The following SLC15A5 variants were observed in gnomAD, a reference collection of about 807,000 sequenced individuals.
SLC15A5 encodes the protein Peptide/histidine transporter ENSP00000340402.
A neutral mutation model predicts 56.1 loss-of-function variants in SLC15A5; 58 were observed. The ratio of observed to expected loss-of-function variants is 1.03; its 90% CI spans 0.84 to 1.29. SLC15A5 has a LOEUF of 1.29. Ranked by LOEUF, SLC15A5 falls within the 50% of genes most tolerant of loss-of-function variation. The probability of loss-of-function intolerance (pLI) is 0.00; values close to 1 mark genes in which losing one functional copy is unlikely to be tolerated. For missense variants in SLC15A5, 681 were observed against 672.1 expected, an observed-to-expected ratio of 1.01 and a Z score of -0.15; for synonymous variants, 264 against 250.5, an observed-to-expected ratio of 1.05 and a Z score of -0.51.
rs544084272 is a variant in SLC15A5, at chr12:16,230,233, T to C, written c.1163-5631A>G. On this transcript the variant is annotated intron_variant, in intron 5 of 8. Transcript: ENST00000344941. ...ATTTGAGGACATATTTATCATATAA[T>C]CTTATTCTTGCAACTTAGAGAGGCT... 2.6e-5 allele frequency among the ~76,000 whole-genome samples: 4 copies of C among 152,328 alleles called. No individual in the cohort carries two copies. The South Asian group carries it at 8.3e-4, about 32-fold the overall frequency.
intron 7 of SLC15A5, among the ~76,000 whole-genome samples, chr12:16,204,145 C>T (rs527280363): frequency 6.6e-6 from 1 of 152,050 alleles, no homozygotes; most frequent in Non-Finnish European, 1.5e-5. Context: ...AAGTTTTACT[C>T]ATTTTATTAA....
chr12:16,277,514 A>G lies in SLC15A5; in HGVS notation c.172T>C (p.Phe58Leu), dbSNP rs1349473296. Residue 58 changes from phenylalanine to leucine, a missense_variant, in exon 1 of 9, where the codon TTT becomes CTT. Transcript: ENST00000344941. ...LVELCERFTF[F>L]EVVCNMIPFC... is the part of the protein sequence containing the mutation. ...GGGATCATGTTGCAGACGACTTCAA[A>G]GAACGTGAACCTCTCACACAGCTCC... 1 of 1,536,318 alleles carries G rather than the reference A, an allele frequency of 6.5e-7. No homozygotes were observed. Among genetic ancestry groups the G allele is most frequent in the Non-Finnish European group, 8.7e-7 (1 of 1,146,342 alleles).
intron 3 of SLC15A5, among the ~76,000 whole-genome samples, chr12:16,252,342 A>G (rs1864527667): frequency 6.6e-6 from 1 of 152,076 alleles, no homozygotes; most frequent in Non-Finnish European, 1.5e-5. Context: ...TAAAAAGCAT[A>G]CAAATCAGAA....
intron 2 of SLC15A5, among the ~76,000 whole-genome samples, chr12:16,258,582 A>G (rs137890392): frequency 9.8e-5 from 15 of 152,332 alleles, no homozygotes; most frequent in African/African-American, 3.4e-4. Context: ...ATTAAATGCA[A>G]TAAAATTTAC....
At chr12:16,247,149 T>C (rs1864469960) in intron 3 of SLC15A5, among the ~76,000 whole-genome samples, 1 of 152,222 alleles carries the variant, frequency 6.6e-6, no homozygotes, top group Non-Finnish European at 1.5e-5. Context: ...CACTGCTCCA[T>C]GAACCATGCT....
chr12:16,232,691 G>A (rs1384311143), intron 5 of SLC15A5, among the ~76,000 whole-genome samples: 2 of 152,122 alleles, frequency 1.3e-5, no homozygotes, highest in African/African-American at 2.4e-5. Flanking sequence ...CGAGGTGGGA[G>A]GATCACTTGA....
chr12:16,260,425 G>T (rs1864631955), intron 2 of SLC15A5, among the ~76,000 whole-genome samples: 1 of 151,672 alleles, frequency 6.6e-6, no homozygotes, highest in South Asian at 2.1e-4. Context: ...TTTTTTCAAT[G>T]TAAGAAGTAC....
Position 16,200,480 on chromosome 12 carries a change from CAAA to C in SLC15A5, c.1484-6030_1484-6028del, listed in dbSNP as rs1863944542. ...TCTTGCCAGTTTTTGATCAAATTGT[CAAA>C]GAAGAGATGTAGAGAATTAAATTAA... On this transcript the variant is annotated intron_variant, in intron 7 of 8. Transcript: ENST00000344941. Among the ~76,000 whole-genome samples, 3 of 151,864 alleles carry C rather than the reference CAAA, an allele frequency of 2.0e-5. No homozygotes were observed. The East Asian group carries it at 5.8e-4, about 29-fold the overall frequency.
At chr12:16,242,527 T>C (rs1446848574) in intron 4 of SLC15A5, among the ~76,000 whole-genome samples, 1 of 152,190 alleles carries the variant, frequency 6.6e-6, no homozygotes, top group African/African-American at 2.4e-5. Context: ...GTAATAGCCA[T>C]GTAGCCTTGC....
chr12:16,195,892 C>G (rs1863890308), intron 7 of SLC15A5, among the ~76,000 whole-genome samples: 1 of 152,048 alleles, frequency 6.6e-6, no homozygotes, highest in Non-Finnish European at 1.5e-5. Context: ...TACTATGGAT[C>G]AGCAATGAAA....
At position 16,254,992 on chromosome 12, in the gene SLC15A5, T is replaced by G. The variant is rs191419067; in HGVS notation, c.754+2709A>C. ...TTTTAGATAGCTAGAAGAAGGATAT[T>G]GAATTTTCCCAACACAAAGAAATGA... On this transcript the variant is annotated intron_variant, in intron 3 of 8. Coordinates refer to ENST00000344941, the MANE Select transcript of SLC15A5 (RefSeq NM_001170798.1). Among the ~76,000 whole-genome samples the G allele has an allele frequency of 7.0e-4, 106 of 152,234 alleles. No individual in the cohort carries two copies. The Middle Eastern group carries it at 0.031, about 44-fold the overall frequency.
intron 1 of SLC15A5, among the ~76,000 whole-genome samples, chr12:16,276,684 C>T (rs1481247378): frequency 6.6e-6 from 1 of 152,028 alleles, no homozygotes; most frequent in Admixed American, 6.6e-5. Context: ...TCAAGTTGCT[C>T]TCTATTTCTT....
Position 16,270,378 on chromosome 12 carries a change from G to A in SLC15A5, c.584+2183C>T, listed in dbSNP as rs558528809. On this transcript the variant is annotated intron_variant, in intron 2 of 8. Transcript: ENST00000344941. The stretch of plus-strand genomic sequence containing the variant: ...GGGGTATGTTGTTTTTTAAAGGCAC[G>A]GCTGAAATTCGTTATATTTACCAGT... Among the ~76,000 whole-genome samples, 24 of 152,174 alleles carry A rather than the reference G, an allele frequency of 1.6e-4. No homozygotes were observed. In the South Asian group the frequency reaches 4.6e-3, roughly 29 times the overall value.
chr12:16,193,780 GGAGAGAGAGAGAGAGAGAGAGAGAGAGA>G (rs766458422), intron 8 of SLC15A5, among the ~76,000 whole-genome samples: 1,763 of 75,728 alleles, frequency 0.023, 68 homozygotes, highest in African/African-American at 0.05. Context: ...TATGTCAAGG[GGAGAGAGAGAGAGAGAGAGAGAGAGAGA>G]GAGAGAGAGA....
chr12:16,202,813 A>C (rs1424798867), intron 7 of SLC15A5, among the ~76,000 whole-genome samples: 1 of 152,216 alleles, frequency 6.6e-6, no homozygotes, highest in Non-Finnish European at 1.5e-5. Context: ...ATTTGTGACA[A>C]TATGGATGAA....
chr12:16,194,066 G>A (rs568604354), intron 8 of SLC15A5, among the ~76,000 whole-genome samples: 5 of 151,998 alleles, frequency 3.3e-5, no homozygotes, highest in Non-Finnish European at 5.9e-5. Flanking sequence ...TCTTATTATC[G>A]ATAAGCTTAT....
rs766458422 is a variant in SLC15A5, at chr12:16,193,780, G to GGAGAGAGA, written c.1592+557_1592+564dup. ...ACAGCTGTCCAAGAATATGTCAAGG[G>GGAGAGAGA]GAGAGAGAGAGAGAGAGAGAGAGAG... On this transcript the variant is annotated intron_variant, in intron 8 of 8. Coordinates refer to ENST00000344941, the MANE Select transcript of SLC15A5 (RefSeq NM_001170798.1). 1.3e-4 allele frequency among the ~76,000 whole-genome samples: 10 copies of GGAGAGAGA among 75,770 alleles called. 2 individuals are homozygous for GGAGAGAGA. Among genetic ancestry groups the GGAGAGAGA allele is most frequent in the African/African-American group, 5.1e-4 (10 of 19,558 alleles). 49.7% of individuals were successfully genotyped at this position (75,770 alleles called of 152,430 possible).
In SLC15A5 at chr12:16,237,913, TTTTATC is replaced by T. The variant is rs2136256756; in HGVS notation, c.1162+1762_1162+1767del. Among the ~76,000 whole-genome samples, 1 of 152,328 alleles carries T rather than the reference TTTTATC, an allele frequency of 6.6e-6. No individual in the cohort carries two copies. The highest frequency in any genetic ancestry group is 1.5e-5 in the Non-Finnish European group (1 of 68,034). ...TACAAACCATGTCTTACTTTTCCTT[TTTTATC>T]TTTATTTTACTGCTAATCCTGGACA... On this transcript the variant is annotated intron_variant, in intron 5 of 8. Transcript: ENST00000344941. The surrounding 1 kb of genome is among the most constrained non-coding windows in gnomAD (Gnocchi z 4.1).
chr12:16,254,908 C>T (rs1480948384), intron 3 of SLC15A5, among the ~76,000 whole-genome samples: 1 of 151,926 alleles, frequency 6.6e-6, no homozygotes, highest in Non-Finnish European at 1.5e-5. Context: ...AGGAGGAATA[C>T]GTATTAGTGT....
Sources: gnomAD v4.1 joint callset for allele counts (sites outside exome capture counted in the v4.1 genomes callset) on GRCh38, gnomAD v4.1.1 for gene constraint, Gnocchi (gnomAD v3.1) non-coding constraint, MANE v1.5 for transcripts, NCBI Gene and HGNC (gene_info 2026-07-23, HGNC 2026-07-21) for gene names.